ZNF701: variants seen among roughly 807,000 people sequenced by gnomAD.
ZNF701 encodes zinc finger protein 701.
In ZNF701, 6 loss-of-function variants were observed where a neutral mutation model predicts 7.1. The ratio of observed to expected loss-of-function variants is 0.84; its 90% CI spans 0.46 to 1.66. ZNF701 has a LOEUF of 1.66. Among genes scored for constraint, ZNF701 ranks in the 40% most tolerant of loss-of-function variants. The pLI, the probability that ZNF701 is intolerant of heterozygous loss-of-function variation, is 0.01. For synonymous variants in ZNF701, 166 were observed against 188.2 expected (o/e 0.88, Z 0.97); for missense variants, 541 against 559.2 (o/e 0.97, Z 0.33).
Position 52,582,675 on chromosome 19 carries a change from C to T in ZNF701, c.616C>T (p.Arg206Trp), listed in dbSNP as rs747686352. ...FLQSSLLTQK[R>W]EVHTREKSFQ... ...CCAGTCTTCATTACTCACACAAAAA[C>T]GGGAAGTACACACAAGAGAAAAATC... Residue 206 changes from arginine (R) to tryptophan (W), a missense_variant, in exon 4 of 4, where the codon CGG (arginine) becomes TGG (tryptophan). Transcript: ENST00000391785. 5.6e-6 allele frequency: 9 copies of T among 1,613,952 alleles called. No individual in the cohort carries two copies. Among genetic ancestry groups the T allele is most frequent in the South Asian group, 5.5e-5 (5 of 91,082 alleles).
At chr19:52,581,977 G>C (rs191011791) in intron 3 of ZNF701, among the ~76,000 whole-genome samples, 1 of 152,166 alleles carries the variant, frequency 6.6e-6, no homozygotes, top group Non-Finnish European at 1.5e-5. Context: ...TGCCCTGTCA[G>C]TGTTTCGTCA....
chr19:52,585,091 G>T lies in ZNF701; in HGVS notation c.*1634G>T, dbSNP rs922020063. On this transcript the variant is annotated 3_prime_UTR_variant, in exon 4 of 4. Transcript: ENST00000391785. ...AATTGAGACGTCCGGGTGGGAGTCC[G>T]TGAGTCTTTTCCTTTTGAGTTTAAA... The T allele has an allele frequency of 1.3e-5, 2 of 151,658 alleles. No homozygotes were observed. Among genetic ancestry groups the T allele is most frequent in the African/African-American group, 4.8e-5 (2 of 41,410 alleles). 9.4% of individuals were successfully genotyped at this position (151,658 alleles called of 1,614,324 possible). A position where few individuals can be genotyped will look rare whatever the true frequency, so the allele number is the denominator to read the frequency against.
downstream of ZNF701, among the ~76,000 whole-genome samples, chr19:52,590,347 C>A (rs569044766): frequency 4.6e-5 from 7 of 152,232 alleles, no homozygotes; most frequent in Admixed American, 1.3e-4. Flanking sequence ...GGTGATCCAC[C>A]CACCTCGGCT....
downstream of ZNF701, among the ~76,000 whole-genome samples, chr19:52,587,909 C>T (rs979034209): frequency 3.0e-4 from 45 of 152,286 alleles, no homozygotes; most frequent in Admixed American, 2.5e-3. Context: ...TGAGATCAGC[C>T]TGTGATCCAC....
chr19:52,578,121 G>T (rs2059947998), intron 3 of ZNF701, among the ~76,000 whole-genome samples: 1 of 151,594 alleles, frequency 6.6e-6, no homozygotes, highest in Non-Finnish European at 1.5e-5. Context: ...GGGTGTGGTG[G>T]CGGGCACTTG....
chr19:52,578,880 C>T (rs2059955897), intron 3 of ZNF701, among the ~76,000 whole-genome samples: 1 of 152,022 alleles, frequency 6.6e-6, no homozygotes, highest in Admixed American at 6.6e-5. Context: ...GCCTCAGCCT[C>T]CCGAGTACCT....
the ZNF701 span, chr19:52,597,309 C>T: frequency 1.8e-6 from 1 of 543,416 alleles, no homozygotes; most frequent in East Asian, 5.0e-5. Context: ...CCTCATTAGA[C>T]ATCAGAGAAT....
At position 52,585,021 on chromosome 19, in the gene ZNF701, T is replaced by C. The variant is rs567273; in HGVS notation, c.*1564T>C. 86,279 of 151,890 alleles carry C rather than the reference T, an allele frequency of 0.57. 24,631 individuals are homozygous for C. The highest frequency in any genetic ancestry group is 0.61 in the Non-Finnish European group (41,090 of 67,900). 9.4% of individuals were successfully genotyped at this position (151,890 alleles called of 1,614,324 possible). A position where few individuals can be genotyped will look rare whatever the true frequency, so the allele number is the denominator to read the frequency against. ...CTGCTATACCGGGGACGTGGGTGTC[T>C]CCACAGACCTGGAAATTCCGGCCCC... On this transcript the variant is annotated 3_prime_UTR_variant, in exon 4 of 4. Transcript: ENST00000391785.
At chr19:52,591,151 A>T (rs1459846093), downstream of ZNF701, among the ~76,000 whole-genome samples, 1 of 151,766 alleles carries the variant, frequency 6.6e-6, no homozygotes, top group African/African-American at 2.4e-5. Context: ...CCCATGTTTT[A>T]TGTAGAAAAT....
chr19:52,585,043 C>G lies in ZNF701; in HGVS notation c.*1586C>G, dbSNP rs183822443. On this transcript the variant is annotated 3_prime_UTR_variant, in exon 4 of 4. Transcript: ENST00000391785. ...GTCTCCACAGACCTGGAAATTCCGG[C>G]CCCTCTTTCTCAACTCAGAGCAAAT... 171 of 152,340 alleles carry G rather than the reference C, an allele frequency of 1.1e-3. No individual in the cohort carries two copies. The highest frequency in any genetic ancestry group is 3.8e-3 in the African/African-American group (158 of 41,562). The allele number at this position is 152,340 out of a possible 1,614,324, so 9.4% of individuals were successfully genotyped here.
At chr19:52,570,648 G>T (rs1217603195) in intron 1 of ZNF701, 3 of 152,150 alleles carry the variant, frequency 2.0e-5, no homozygotes, top group Non-Finnish European at 2.9e-5. Flanking sequence ...GTGTATTTCC[G>T]CCTGGGCGCC....
intron 3 of ZNF701, among the ~76,000 whole-genome samples, chr19:52,580,856 G>A (rs1271999238): frequency 2.0e-5 from 3 of 151,990 alleles, no homozygotes; most frequent in African/African-American, 7.2e-5. Flanking sequence ...GGGCACAGTG[G>A]CTCATGCCTG....
intron 1 of ZNF701, 77 bp from the exon 2 acceptor site, chr19:52,574,000 C>T: frequency 6.8e-7 from 1 of 1,468,012 alleles, no homozygotes; most frequent in Non-Finnish European, 9.3e-7. Context: ...AGTGAGGGCA[C>T]CTTTGTATGT....
At chr19:52,582,082 T>G in intron 3 of ZNF701, 120 bp from the exon 4 acceptor site, 1 of 853,046 alleles carries the variant, frequency 1.2e-6, no homozygotes, top group Admixed American at 3.5e-5. Context: ...GTTCCTAAAC[T>G]TTGAAGATCA....
At chr19:52,575,666 ATTAT>A (rs1384169567) in intron 2 of ZNF701, 1 of 367,354 alleles carries the variant, frequency 2.7e-6, no homozygotes, top group Non-Finnish European at 5.1e-6. Flanking sequence ...TACCCGGCTA[ATTAT>A]TTATTTCTAA....
At position 52,580,204 on chromosome 19, in the gene ZNF701, G is replaced by A. The variant is rs77240224; in HGVS notation, c.143-1998G>A. ...GTGATCCATCCACCTCGGCCTCCCA[G>A]AGTGCTGGGATTACAGGCGTGAGCC... On this transcript the variant is annotated intron_variant, in intron 3 of 3. Transcript: ENST00000391785. Among the ~76,000 whole-genome samples, 13 of 121,328 alleles carry A rather than the reference G, an allele frequency of 1.1e-4. 2 individuals carry two copies. The highest frequency in any genetic ancestry group is 4.7e-4 in the African/African-American group (8 of 17,180). The allele number at this position is 121,328 out of a possible 152,430, so 79.6% of individuals were successfully genotyped here. A position where few individuals can be genotyped will look rare whatever the true frequency, so the allele number is the denominator to read the frequency against.
intron 3 of ZNF701, among the ~76,000 whole-genome samples, chr19:52,576,256 G>C (rs1216509773): frequency 6.6e-6 from 1 of 152,100 alleles, no homozygotes; most frequent in African/African-American, 2.4e-5. Flanking sequence ...AAAGCTTATG[G>C]CAGGCCAGGC....
chr19:52,596,034 T>C, the ZNF701 span: 1 of 1,462,898 alleles, frequency 6.8e-7, no homozygotes, highest in Non-Finnish European at 9.6e-7. Flanking sequence ...AAAACCCATA[T>C]TTCTATTAAG....
chr19:52,579,874 AAAATAAAT>A (rs78296394), intron 3 of ZNF701, among the ~76,000 whole-genome samples: 26 of 135,152 alleles, frequency 1.9e-4, no homozygotes, highest in East Asian at 8.2e-4. Flanking sequence ...ACTCCATCTC[AAAATAAAT>A]AAATAAATAA....
Sources: allele counts gnomAD v4.1 joint callset (sites outside exome capture counted in the v4.1 genomes callset), GRCh38; gene constraint gnomAD v4.1.1; transcripts MANE v1.5; gene names NCBI Gene and HGNC (gene_info 2026-07-23, HGNC 2026-07-21).